The following BTBD9 variants were observed in gnomAD, a reference collection of about 807,000 sequenced individuals.
The protein encoded by BTBD9 is BTB domain containing 9, also known as BTB/POZ domain-containing protein 9.
A neutral mutation model predicts 64.3 loss-of-function variants in BTBD9; 49 were observed. That is an observed-to-expected ratio of 0.76 (90% CI 0.61 to 0.97). The LOEUF (loss-of-function observed/expected upper bound fraction) is 0.97, where lower values mean the gene tolerates loss of function less well. Among genes scored for constraint, BTBD9 ranks in the 50% least tolerant of loss-of-function variants. The pLI, the probability that BTBD9 is intolerant of heterozygous loss-of-function variation, is 0.00. For synonymous variants in BTBD9, 260 were observed against 274.7 expected, an observed-to-expected ratio of 0.95 and a Z score of 0.53; for missense variants, 598 against 762.1, an observed-to-expected ratio of 0.78 and a Z score of 2.53.
At chr6:38,303,840 G>GAT (rs70981538) in intron 7 of BTBD9, among the ~76,000 whole-genome samples, 3,151 of 75,180 alleles carry the variant, frequency 0.042, 95 homozygotes, top group Admixed American at 0.052. Context: ...TTAGTTGCTA[G>GAT]ATATATATAT....
intron 7 of BTBD9, among the ~76,000 whole-genome samples, chr6:38,332,150 T>C (rs1763700992): frequency 1.3e-5 from 2 of 152,242 alleles, no homozygotes; most frequent in Non-Finnish European, 2.9e-5. Flanking sequence ...TTGTCATGTA[T>C]GTTGCAATTA....
intron 6 of BTBD9, among the ~76,000 whole-genome samples, chr6:38,383,618 T>C (rs1016194368): frequency 2.6e-5 from 4 of 152,130 alleles, no homozygotes; most frequent in African/African-American, 9.7e-5. Flanking sequence ...GTAGCAGATA[T>C]GGAGAAAGTT....
chr6:38,234,020 T>C (rs1442973445), intron 9 of BTBD9, among the ~76,000 whole-genome samples: 1 of 152,254 alleles, frequency 6.6e-6, no homozygotes, highest in Admixed American at 6.5e-5. Context: ...GAGACATTTT[T>C]AATGCAAACC....
At chr6:38,338,126 A>G (rs921681624) in intron 7 of BTBD9, among the ~76,000 whole-genome samples, 1 of 152,188 alleles carries the variant, frequency 6.6e-6, no homozygotes, top group Non-Finnish European at 1.5e-5. Context: ...TGCAGGGGAT[A>G]TGTTCCAAGA....
intron 6 of BTBD9, among the ~76,000 whole-genome samples, chr6:38,371,799 G>A (rs964514827): frequency 3.3e-5 from 5 of 152,092 alleles, no homozygotes; most frequent in East Asian, 1.9e-4. Flanking sequence ...ACTGTTTTTC[G>A]TTAATGTCCC....
chr6:38,492,063 G>C (rs765123424), intron 6 of BTBD9, among the ~76,000 whole-genome samples: 2 of 152,126 alleles, frequency 1.3e-5, no homozygotes, highest in African/African-American at 4.8e-5. Context: ...GGATACAACT[G>C]AAAAAAGATT....
At chr6:38,534,745 A>G (rs988048998) in intron 6 of BTBD9, among the ~76,000 whole-genome samples, 2 of 152,134 alleles carry the variant, frequency 1.3e-5, no homozygotes, top group African/African-American at 2.4e-5. Flanking sequence ...GTGATACATC[A>G]TATCAACAGA....
rs568585653 is a variant in BTBD9 at position 38,582,686 on chromosome 6, A to G, written c.815-2249T>C. On this transcript the variant is annotated intron_variant, in intron 4 of 10. Transcript: ENST00000481247. ...GTATGATATAGGGGAAAAAAATGTT[A>G]AAGTGAAAAAAACCAAGCTTAAGAT... is the stretch of plus-strand genomic sequence containing the variant. Among the ~76,000 whole-genome samples the G allele has an allele frequency of 3.9e-5, 6 of 152,296 alleles. 1 individual carries two copies. Among genetic ancestry groups the G allele is most frequent in the African/African-American group, 1.2e-4 (5 of 41,554 alleles).
At position 38,174,843 on chromosome 6, in the gene BTBD9, G is replaced by C. The variant is rs1002277096; in HGVS notation, c.*142C>G. On this transcript the variant is annotated 3_prime_UTR_variant, in exon 11 of 11. Coordinates refer to ENST00000481247, the MANE Select transcript of BTBD9 (RefSeq NM_001099272.2). Reference sequence around the variant, plus strand: ...TCTGTCCTTGGGAGAAAACCTGTTCGGTGTCTGCTTTTGCAGCTAGGTCGG... The same window carrying C: ...TCTGTCCTTGGGAGAAAACCTGTTCCGTGTCTGCTTTTGCAGCTAGGTCGG... The C allele has an allele frequency of 1.1e-6, 1 of 931,430 alleles. No individual in the cohort carries two copies. Among genetic ancestry groups the C allele is most frequent in the African/African-American group, 1.6e-5 (1 of 60,664 alleles). The allele number at this position is 931,430 out of a possible 1,614,324, so 57.7% of individuals were successfully genotyped here.
chr6:38,594,406 C>T (rs1776951781), intron 2 of BTBD9, 79 bp from the exon 3 acceptor site: 4 of 1,449,982 alleles, frequency 2.8e-6, no homozygotes, highest in African/African-American at 2.8e-5. Context: ...CAGTTATCAA[C>T]ATTATGCAAA....
intron 2 of BTBD9, among the ~76,000 whole-genome samples, chr6:38,596,588 CA>C (rs1267837259): frequency 6.6e-6 from 1 of 151,842 alleles, no homozygotes; most frequent in Non-Finnish European, 1.5e-5. Flanking sequence ...ATCACAAGGT[CA>C]GGAGATCCAG....
At chr6:38,572,817 A>C (rs1388200803) in intron 6 of BTBD9, among the ~76,000 whole-genome samples, 2 of 151,532 alleles carry the variant, frequency 1.3e-5, no homozygotes, top group Non-Finnish European at 2.9e-5. Context: ...TAAAAGTTTA[A>C]CATACTTTAA....
intron 1 of BTBD9, among the ~76,000 whole-genome samples, chr6:38,607,546 C>T (rs1378306069): frequency 6.6e-6 from 1 of 152,060 alleles, no homozygotes; most frequent in Non-Finnish European, 1.5e-5. Context: ...GATTGGTTAT[C>T]AGTAAGTTGC....
At chr6:38,525,256 G>T (rs746281739) in intron 6 of BTBD9, among the ~76,000 whole-genome samples, 33 of 152,182 alleles carry the variant, frequency 2.2e-4, no homozygotes, top group Admixed American at 5.9e-4. Context: ...CCCTGCTCTT[G>T]CTCGCTCTCT....
intron 6 of BTBD9, among the ~76,000 whole-genome samples, chr6:38,389,908 T>A (rs1039389795): frequency 6.6e-6 from 1 of 152,256 alleles, no homozygotes; most frequent in Admixed American, 6.5e-5. Context: ...TACAGCTTTA[T>A]GTTATGCAGC....
At chr6:38,288,583 C>T (rs1393370234) in intron 7 of BTBD9, 122 bp from the exon 8 acceptor site, 1 of 783,830 alleles carries the variant, frequency 1.3e-6, no homozygotes, top group East Asian at 2.6e-5. Flanking sequence ...AAAATTAGAA[C>T]ATCTGGATTA....
chr6:38,617,053 C>A (rs565938583), intron 1 of BTBD9, among the ~76,000 whole-genome samples: 1 of 152,196 alleles, frequency 6.6e-6, no homozygotes, highest in Non-Finnish European at 1.5e-5. Context: ...GGGCTAAACA[C>A]TGGGCACCTG....
At chr6:38,540,455 C>A (rs1582601301) in intron 6 of BTBD9, among the ~76,000 whole-genome samples, 1 of 152,144 alleles carries the variant, frequency 6.6e-6, no homozygotes, top group Non-Finnish European at 1.5e-5. Flanking sequence ...CGCTGGCTTG[C>A]AGCATATTAC....
intron 1 of BTBD9, among the ~76,000 whole-genome samples, chr6:38,636,707 T>A (rs1267092190): frequency 6.6e-6 from 1 of 152,218 alleles, no homozygotes; most frequent in African/African-American, 2.4e-5. Flanking sequence ...TTCTGATTAT[T>A]CTACCTTCTA....
Sources: gnomAD v4.1 joint callset for allele counts (sites outside exome capture counted in the v4.1 genomes callset) on GRCh38, gnomAD v4.1.1 for gene constraint, MANE v1.5 for transcripts, NCBI Gene and HGNC (gene_info 2026-07-23, HGNC 2026-07-21) for gene names.